The following AUTS2 variants were observed in gnomAD, a reference collection of about 807,000 sequenced individuals.
AUTS2 encodes the protein autism susceptibility gene 2 protein.
Under a neutral mutation model 112.4 loss-of-function variants are expected in AUTS2, and 17 were observed. The ratio of observed to expected loss-of-function variants is 0.15; its 90% confidence interval spans 0.10 to 0.23. The LOEUF (loss-of-function observed/expected upper bound fraction) is 0.23. Among genes scored for constraint, AUTS2 ranks in the 10% least tolerant of loss-of-function variants. AUTS2 has a pLI of 1.00. For synonymous variants in AUTS2, 751 were observed against 702.7 expected (o/e 1.07, Z -1.09); for missense variants, 1,510 against 1,701.6 (o/e 0.89, Z 1.98).
chr7:69,966,056 A>G (rs1797624548), intron 2 of AUTS2, among the ~76,000 whole-genome samples: 2 of 152,186 alleles, frequency 1.3e-5, no homozygotes, highest in South Asian at 4.1e-4. Flanking sequence ...AAAATTTTGA[A>G]TGCTTAAATG....
At chr7:69,820,430 A>G (rs897582629) in intron 1 of AUTS2, among the ~76,000 whole-genome samples, 2 of 152,188 alleles carry the variant, frequency 1.3e-5, no homozygotes, top group Non-Finnish European at 2.9e-5. Context: ...GCCCAGACTA[A>G]CAGAATTGGA....
chr7:69,885,877 C>T (rs1794251384), intron 1 of AUTS2, among the ~76,000 whole-genome samples: 1 of 152,210 alleles, frequency 6.6e-6, no homozygotes, highest in Non-Finnish European at 1.5e-5. Context: ...CAGAAATGGT[C>T]TGACCTTTCA....
chr7:70,570,504 T>C (rs777440464), intron 5 of AUTS2, among the ~76,000 whole-genome samples: 3 of 152,172 alleles, frequency 2.0e-5, no homozygotes, highest in Non-Finnish European at 4.4e-5. Context: ...TCATCTTTAC[T>C]CAGAAAGGGG....
At chr7:69,839,123 A>G (rs946625751) in intron 1 of AUTS2, among the ~76,000 whole-genome samples, 3 of 152,254 alleles carry the variant, frequency 2.0e-5, no homozygotes, top group African/African-American at 7.2e-5. Context: ...GGCCTTCCTG[A>G]GTGTATGAAC....
Position 69,786,292 on chromosome 7 carries a change from C to T in AUTS2, c.310-112994C>T, listed in dbSNP as rs531748054. Among the ~76,000 whole-genome samples, 12 of 152,274 alleles carry T rather than the reference C, an allele frequency of 7.9e-5. No individual in the cohort carries two copies. The East Asian group carries it at 1.2e-3, about 15-fold the overall frequency. On this transcript the variant is annotated intron_variant, in intron 1 of 18. Coordinates refer to ENST00000342771, the MANE Select transcript of AUTS2 (RefSeq NM_015570.4). Reference sequence around the variant, plus strand: ...CACTCTGTTAAAATGCACCAATCAGCGCTCTGCGTCTAGCTAAAGGATTGT... The same window carrying T: ...CACTCTGTTAAAATGCACCAATCAGTGCTCTGCGTCTAGCTAAAGGATTGT...
chr7:69,849,693 G>A (rs1792372929), intron 1 of AUTS2, among the ~76,000 whole-genome samples: 1 of 151,818 alleles, frequency 6.6e-6, no homozygotes, highest in Non-Finnish European at 1.5e-5. Flanking sequence ...AAATCATACA[G>A]TACATGGCTT....
chr7:70,358,694 G>A (rs538749995), intron 4 of AUTS2, among the ~76,000 whole-genome samples: 4 of 152,316 alleles, frequency 2.6e-5, no homozygotes, highest in South Asian at 2.1e-4. Context: ...CCATCCCCAC[G>A]ACTTCATGGA....
At chr7:70,241,703 G>C (rs1020076066) in intron 4 of AUTS2, among the ~76,000 whole-genome samples, 2 of 152,096 alleles carry the variant, frequency 1.3e-5, no homozygotes, top group African/African-American at 4.8e-5. Flanking sequence ...AAATATTCTT[G>C]TGCTTCTTTG....
intron 5 of AUTS2, among the ~76,000 whole-genome samples, chr7:70,598,625 A>G (rs563695392): frequency 9.9e-5 from 15 of 152,228 alleles, no homozygotes; most frequent in African/African-American, 3.4e-4. Context: ...GGGCTCAAGG[A>G]TTGCTGTCCT....
intron 1 of AUTS2, among the ~76,000 whole-genome samples, chr7:69,895,548 C>CT (rs1037104585): frequency 9.6e-5 from 14 of 146,002 alleles, no homozygotes; most frequent in Non-Finnish European, 1.8e-4. Context: ...CTTCTTCCCC[C>CT]CCCCCGAGTG....
intron 4 of AUTS2, among the ~76,000 whole-genome samples, chr7:70,313,707 T>C (rs1395240855): frequency 6.6e-6 from 1 of 152,234 alleles, no homozygotes; most frequent in Admixed American, 6.5e-5. Context: ...CGGTTCCTAC[T>C]GTTGGATGTA....
At position 70,349,790 on chromosome 7, in the gene AUTS2, A is replaced by G. The variant is rs568919110; in HGVS notation, c.661-85962A>G. Among the ~76,000 whole-genome samples the G allele has an allele frequency of 3.3e-5, 5 of 152,340 alleles. 1 individual carries two copies. In the South Asian group the frequency reaches 1.0e-3, roughly 32 times the overall value. On this transcript the variant is annotated intron_variant, in intron 4 of 18. Coordinates refer to ENST00000342771, the MANE Select transcript of AUTS2 (RefSeq NM_015570.4). ...AATTTAAGAAAGAGTTGATTTCTGA[A>G]AGAAACATAATAGCAAAGATTACTT...
chr7:70,716,260 T>C (rs1461486878), intron 6 of AUTS2, among the ~76,000 whole-genome samples: 2 of 152,152 alleles, frequency 1.3e-5, no homozygotes, highest in East Asian at 3.9e-4. Context: ...GTTCTTGCCA[T>C]CTCCTGTTCT....
chr7:70,112,529 A>G (rs931105947), intron 2 of AUTS2, among the ~76,000 whole-genome samples: 1 of 151,994 alleles, frequency 6.6e-6, no homozygotes, highest in African/African-American at 2.4e-5. Flanking sequence ...GATTAGTAGA[A>G]TGCTAAAGGC....
At chr7:70,613,203 G>A (rs1171404713) in intron 5 of AUTS2, among the ~76,000 whole-genome samples, 2 of 150,818 alleles carry the variant, frequency 1.3e-5, no homozygotes, top group East Asian at 3.9e-4. Flanking sequence ...GAGGAAAAAA[G>A]GTTGGAGAGG....
intron 2 of AUTS2, among the ~76,000 whole-genome samples, chr7:69,976,718 T>G (rs1798074052): frequency 1.3e-5 from 2 of 152,238 alleles, no homozygotes; most frequent in South Asian, 4.1e-4. Context: ...GTTGAGAATC[T>G]TTGTTGGCTA....
chr7:70,144,368 TG>T (rs1221612155), intron 4 of AUTS2, among the ~76,000 whole-genome samples: 1 of 152,094 alleles, frequency 6.6e-6, no homozygotes, highest in East Asian at 1.9e-4. Context: ...GAACTAGCTC[TG>T]TGATATGAAA....
At chr7:69,920,172 TG>T (rs1460883621) in intron 2 of AUTS2, among the ~76,000 whole-genome samples, 3 of 152,136 alleles carry the variant, frequency 2.0e-5, no homozygotes, top group Admixed American at 1.3e-4. Context: ...GGATAATTCA[TG>T]GTGAAGGAAT....
chr7:70,014,818 C>T (rs1351374528), intron 2 of AUTS2, among the ~76,000 whole-genome samples: 1 of 152,202 alleles, frequency 6.6e-6, no homozygotes, highest in Non-Finnish European at 1.5e-5. Flanking sequence ...CCAGAATACT[C>T]ATCTGGTACA....
Sources: allele counts gnomAD v4.1 joint callset (sites outside exome capture counted in the v4.1 genomes callset), GRCh38; gene constraint gnomAD v4.1.1; transcripts MANE v1.5; gene names NCBI Gene and HGNC (gene_info 2026-07-23, HGNC 2026-07-21).